GCC1: variants seen among roughly 807,000 people sequenced by gnomAD.
GCC1 encodes the protein GRIP and coiled-coil domain containing 1, also known as GRIP and coiled-coil domain-containing protein 1.
In GCC1, 36 loss-of-function variants were observed where a neutral mutation model predicts 62.5. The ratio of observed to expected loss-of-function variants is 0.58; its 90% confidence interval spans 0.44 to 0.76. The LOEUF (loss-of-function observed/expected upper bound fraction) is 0.76. Ranked by LOEUF, GCC1 falls within the 30% of genes least tolerant of loss-of-function variation. GCC1 has a pLI of 0.00. For missense variants in GCC1, 885 were observed against 948.3 expected (o/e 0.93, Z 0.88); for synonymous variants, 391 against 386.8 (o/e 1.01, Z -0.13).
Position 127,584,741 on chromosome 7 carries a change from GC to G in GCC1, c.441del (p.Pro148HisfsTer14), listed in dbSNP as rs759381858. The G allele has an allele frequency of 3.7e-6, 6 of 1,614,098 alleles. No homozygotes were observed. Among genetic ancestry groups the G allele is most frequent in the Middle Eastern group, 1.6e-4 (1 of 6,062 alleles). Reference protein sequence around the residue: ...ESGVSSSSGDGPFAGGEVDKR... With the variant: ...ESGVSSSSGDXPFAGGEVDKR... ...TTGTCCACCTCCCCACCTGCAAATG[GC>G]CCATCCCCACTGCTACTGCTAACGC... On this transcript the variant is annotated frameshift_variant, in exon 1 of 2. Transcript: ENST00000321407.
At position 127,581,587 on chromosome 7, in the gene GCC1, A is replaced by ACT. The variant is rs1794134515; in HGVS notation, c.*425_*426dup. On this transcript the variant is annotated 3_prime_UTR_variant, in exon 2 of 2. Coordinates refer to ENST00000321407, the MANE Select transcript of GCC1 (RefSeq NM_024523.6). ...GAGAATTGGGGTAGCAATGGACCAG[A>ACT]CTCAGACTGTGATGAGAGGGAGAAA... 6.1e-6 allele frequency: 1 copy of ACT among 163,648 alleles called. No homozygotes were observed. The highest frequency in any genetic ancestry group is 2.4e-5 in the African/African-American group (1 of 41,558). 10.1% of individuals were successfully genotyped at this position (163,648 alleles called of 1,614,324 possible). A position where few individuals can be genotyped will look rare whatever the true frequency, so the allele number is the denominator to read the frequency against.
rs1238209340 is a variant in GCC1, at chr7:127,584,225, G to C, written c.958C>G (p.Leu320Val). The change falls in exon 1 of 2, where the codon CTG becomes GTG. Residue 320 changes from leucine to valine, a missense_variant. Physicochemically the swap from Leu to Val is conservative, Grantham distance 32. Transcript: ENST00000321407. ...RDEKNQPDPR[L>V]QELQEEAARL... ...GCAGCCTCTTCCTGAAGTTCTTGCA[G>C]CCGGGGATCTGGCTGATTCTTCTCA... The C allele has an allele frequency of 1.2e-6, 2 of 1,613,812 alleles. No individual in the cohort carries two copies. Among genetic ancestry groups the C allele is most frequent in the East Asian group, 4.5e-5 (2 of 44,880 alleles).
In GCC1 at chr7:127,582,730, AG is replaced by A. The variant is rs1215449041; in HGVS notation, c.1611del (p.Cys538AlafsTer42). The A allele has an allele frequency of 6.2e-7, 1 of 1,614,154 alleles. No individual in the cohort carries two copies. The highest frequency in any genetic ancestry group is 8.5e-7 in the Non-Finnish European group (1 of 1,180,024). ...TGGTGTTGGTGCTCCAGCTCCTCGC[AG>A]GAGAGCCGCAGGGAAATATACTTCT... ...LKEKYISLRL[S>X]CEELEHQHQQ... is the part of the protein sequence containing the mutation. On this transcript the variant is annotated frameshift_variant, in exon 2 of 2. Coordinates refer to ENST00000321407, the MANE Select transcript of GCC1 (RefSeq NM_024523.6). LOFTEE classifies it high-confidence loss of function. This position sits in a 1 kb window ranked among gnomAD's most constrained non-coding sequence, Gnocchi z 4.8.
chr7:127,584,599 T>C lies in GCC1; in HGVS notation c.584A>G (p.Gln195Arg), dbSNP rs761327169. The C allele has an allele frequency of 8.1e-6, 13 of 1,614,170 alleles. No homozygotes were observed. The Admixed American group carries it at 2.2e-4, about 27-fold the overall frequency. ...SYLADKKKMK[Q>R]DLEDASNKAE... ...CTTGTTACTGGCATCCTCTAAGTCC[T>C]GTTTCATCTTTTTCTTGTCAGCCAA... is the stretch of plus-strand genomic sequence containing the variant. Residue 195 changes from glutamine to arginine, a missense_variant, in exon 1 of 2, where the codon CAG becomes CGG. Transcript: ENST00000321407.
chr7:127,585,311 T>C lies in GCC1; in HGVS notation c.-129A>G. On this transcript the variant is annotated 5_prime_UTR_variant, in exon 1 of 2. Transcript: ENST00000321407. ...CGGCGGGCCGCACACCTACTCCACC[T>C]AGTTATCCCGGACCTAATGCGGAAC... is the stretch of plus-strand genomic sequence containing the variant. The C allele has an allele frequency of 1.2e-6, 1 of 855,692 alleles. No individual in the cohort carries two copies. The highest frequency in any genetic ancestry group is 1.7e-5 in the African/African-American group (1 of 58,796). 53.0% of individuals were successfully genotyped at this position (855,692 alleles called of 1,614,324 possible).
chr7:127,582,473 A>C lies in GCC1; in HGVS notation c.1869T>G (p.Gly623=). ...SGLPGRRSPV[G]GGGPGDPADT... ...CAGCTGGGTCCCCAGGACCGCCACC[A>C]CCCACAGGACTTCTGCGTCCTGGCA... is the stretch of plus-strand genomic sequence containing the variant. Residue 623 remains glycine (G), a synonymous_variant, in exon 2 of 2, where the codon GGT becomes GGG. Coordinates refer to ENST00000321407, the MANE Select transcript of GCC1 (RefSeq NM_024523.6). This position sits in a 1 kb window ranked among gnomAD's most constrained non-coding sequence, Gnocchi z 4.8. The C allele has an allele frequency of 6.2e-7, 1 of 1,613,574 alleles. No individual in the cohort carries two copies. The highest frequency in any genetic ancestry group is 1.1e-5 in the South Asian group (1 of 91,062).
rs1794182338 is a variant in GCC1 at position 127,584,949 on chromosome 7, G to A, written c.234C>T (p.Thr78=). 1 of 1,614,202 alleles carries A rather than the reference G, an allele frequency of 6.2e-7. No homozygotes were observed. The highest frequency in any genetic ancestry group is 8.5e-7 in the Non-Finnish European group (1 of 1,180,044). ...GLAGVQLPGL[T]FPDSVDDRCS... is the part of the protein sequence containing the mutation. ...ACCGGTCATCCACAGAGTCAGGAAA[G>A]GTGAGGCCTGGAAGCTGGACACCTG... The change falls in exon 1 of 2, where the codon ACC becomes ACT. Residue 78 remains threonine, a synonymous_variant. Coordinates refer to ENST00000321407, the MANE Select transcript of GCC1 (RefSeq NM_024523.6).
chr7:127,582,707 G>T lies in GCC1; in HGVS notation c.1635C>A (p.His545Gln). Residue 545 changes from histidine (H) to glutamine (Q), a missense_variant, in exon 2 of 2, where the codon CAC becomes CAA. Coordinates refer to ENST00000321407, the MANE Select transcript of GCC1 (RefSeq NM_024523.6). This position sits in a 1 kb window ranked among gnomAD's most constrained non-coding sequence, Gnocchi z 4.8. ...GCTTCCAGTCATCAGCCTCCTGCTG[G>T]TGTTGGTGCTCCAGCTCCTCGCAGG... ...RLSCEELEHQ[H>Q]QQEADDWKQE... The T allele has an allele frequency of 1.9e-6, 3 of 1,614,058 alleles. No individual in the cohort carries two copies. The highest frequency in any genetic ancestry group is 2.5e-6 in the Non-Finnish European group (3 of 1,180,024).
In GCC1 at chr7:127,585,244, A is replaced by G; in HGVS notation, c.-62T>C. On this transcript the variant is annotated 5_prime_UTR_variant, in exon 1 of 2. Coordinates refer to ENST00000321407, the MANE Select transcript of GCC1 (RefSeq NM_024523.6). The stretch of plus-strand genomic sequence containing the variant: ...AGCAGAACGGGAGAGGGCCGTGAAG[A>G]CGCAGGCGGGGGCTTAAAGAAACAG... 1 of 1,466,542 alleles carries G rather than the reference A, an allele frequency of 6.8e-7. No individual in the cohort carries two copies. Among genetic ancestry groups the G allele is most frequent in the Non-Finnish European group, 9.1e-7 (1 of 1,094,484 alleles). 90.8% of individuals were successfully genotyped at this position (1,466,542 alleles called of 1,614,324 possible).
chr7:127,582,721 G>T lies in GCC1; in HGVS notation c.1621C>A (p.Leu541Met). The change falls in exon 2 of 2, where the codon CTG becomes ATG. Residue 541 changes from leucine to methionine, a missense_variant. Transcript: ENST00000321407. The surrounding 1 kb of genome is among the most constrained non-coding windows in gnomAD (Gnocchi z 4.8). ...YISLRLSCEE[L>M]EHQHQQEADD... The stretch of plus-strand genomic sequence containing the variant: ...GCCTCCTGCTGGTGTTGGTGCTCCA[G>T]CTCCTCGCAGGAGAGCCGCAGGGAA... 1 of 1,614,130 alleles carries T rather than the reference G, an allele frequency of 6.2e-7. No individual in the cohort carries two copies. Among genetic ancestry groups the T allele is most frequent in the Non-Finnish European group, 8.5e-7 (1 of 1,180,034 alleles).
Position 127,584,405 on chromosome 7 carries a change from G to A in GCC1, c.778C>T (p.Gln260Ter), listed in dbSNP as rs1487484002. ...AACCTAAGCTCCAAGTCCTGGCGCT[G>A]GGTCCTCTCCTCCTGCAGCAGCTTC... is the stretch of plus-strand genomic sequence containing the variant. ...LQKLLQEERT[Q>*]RQDLELRLEE... The change falls in exon 1 of 2, where the codon CAG (glutamine) becomes TAG (stop). Residue 260 changes from glutamine (Q) to a stop codon, truncating the protein, a stop_gained. Transcript: ENST00000321407. LOFTEE classifies it high-confidence loss of function. The A allele has an allele frequency of 6.2e-7, 1 of 1,613,852 alleles. No individual in the cohort carries two copies. The highest frequency in any genetic ancestry group is 8.5e-7 in the Non-Finnish European group (1 of 1,180,020).
At position 127,582,581 on chromosome 7, in the gene GCC1, C is replaced by T. The variant is rs1484666602; in HGVS notation, c.1761G>A (p.Lys587=). The T allele has an allele frequency of 3.1e-6, 5 of 1,612,140 alleles. No individual in the cohort carries two copies. Among genetic ancestry groups the T allele is most frequent in the Non-Finnish European group, 4.2e-6 (5 of 1,179,986 alleles). ...RTLKLEEELH[K]QRDRALAVLT... ...GCACAGCTAGGGCACGATCCCGCTG[C>T]TTGTGCAGCTCCTCCTCCAGTTTCA... The change falls in exon 2 of 2, where the codon AAG becomes AAA. Residue 587 remains lysine (K), a synonymous_variant. Transcript: ENST00000321407. This position sits in a 1 kb window ranked among gnomAD's most constrained non-coding sequence, Gnocchi z 4.8.
rs373166796 is a variant in GCC1, at chr7:127,581,801, T to C, written c.*213A>G. 4 of 576,360 alleles carry C rather than the reference T, an allele frequency of 6.9e-6. 1 individual carries two copies. Among genetic ancestry groups the C allele is most frequent in the South Asian group, 4.3e-5 (2 of 46,526 alleles). The allele number at this position is 576,360 out of a possible 1,614,324, so 35.7% of individuals were successfully genotyped here. A position where few individuals can be genotyped will look rare whatever the true frequency, so the allele number is the denominator to read the frequency against. ...TCCTCACATGCACACCATCAGAAGA[T>C]ACTGCCCCAGGACTTTCAGTATCTC... On this transcript the variant is annotated 3_prime_UTR_variant, in exon 2 of 2. Coordinates refer to ENST00000321407, the MANE Select transcript of GCC1 (RefSeq NM_024523.6).
rs530660257 is a variant in GCC1, at chr7:127,581,180, C to T, written c.*834G>A. 1 of 152,256 alleles carries T rather than the reference C, an allele frequency of 6.6e-6. No individual in the cohort carries two copies. The highest frequency in any genetic ancestry group is 6.5e-5 in the Admixed American group (1 of 15,292). The allele number at this position is 152,256 out of a possible 1,614,324, so 9.4% of individuals were successfully genotyped here. The stretch of plus-strand genomic sequence containing the variant: ...AGGATGAGCATTCACCATTTGGACC[C>T]CTCTCTGTAAGAAGCTAGGACTTTA... On this transcript the variant is annotated 3_prime_UTR_variant, in exon 2 of 2. Transcript: ENST00000321407.
At chr7:127,583,702 C>A (rs1318104210) in intron 1 of GCC1, among the ~76,000 whole-genome samples, 1 of 152,122 alleles carries the variant, frequency 6.6e-6, no homozygotes, top group Admixed American at 6.5e-5. Context: ...AAGGAGGCAC[C>A]CTTTCAATAC....
Position 127,585,383 on chromosome 7 carries a change from G to T in GCC1, c.-201C>A, listed in dbSNP as rs1006483473. On this transcript the variant is annotated 5_prime_UTR_variant, in exon 1 of 2. Transcript: ENST00000321407. ...CGGCCGCCCGGTCCCAGGCCCGGAG[G>T]GCTGGGGCGGATTCTACCCCGGAGG... is the stretch of plus-strand genomic sequence containing the variant. 5.1e-6 allele frequency: 3 copies of T among 583,784 alleles called. No homozygotes were observed. The highest frequency in any genetic ancestry group is 9.0e-6 in the Non-Finnish European group (3 of 335,156). The allele number at this position is 583,784 out of a possible 1,614,324, so 36.2% of individuals were successfully genotyped here.
chr7:127,581,258 C>T lies in GCC1; in HGVS notation c.*756G>A, dbSNP rs1287281091. 1 of 152,222 alleles carries T rather than the reference C, an allele frequency of 6.6e-6. No homozygotes were observed. Among genetic ancestry groups the T allele is most frequent in the Admixed American group, 6.5e-5 (1 of 15,282 alleles). 9.4% of individuals were successfully genotyped at this position (152,222 alleles called of 1,614,324 possible). A position where few individuals can be genotyped will look rare whatever the true frequency, so the allele number is the denominator to read the frequency against. ...AAAAGATAGCAAAGTCGTTGACTCA[C>T]AATCTCAGGCCAACCTCAGGCAGAT... On this transcript the variant is annotated 3_prime_UTR_variant, in exon 2 of 2. Transcript: ENST00000321407.
In GCC1 at chr7:127,584,325, T is replaced by C. The variant is rs1234668563; in HGVS notation, c.858A>G (p.Glu286=). 2 of 1,613,782 alleles carry C rather than the reference T, an allele frequency of 1.2e-6. No individual in the cohort carries two copies. Among genetic ancestry groups the C allele is most frequent in the South Asian group, 2.2e-5 (2 of 91,058 alleles). ...GCTGCTTGGTCTGCAGTTCAAATCC[T>C]TCCATCTGTTCAGCTGCATATGCTC... is the stretch of plus-strand genomic sequence containing the variant. ...AGRAYAAEQM[E]GFELQTKQLT... The change falls in exon 1 of 2, where the codon GAA becomes GAG. Residue 286 remains glutamate, a synonymous_variant. Coordinates refer to ENST00000321407, the MANE Select transcript of GCC1 (RefSeq NM_024523.6).
chr7:127,584,081 G>A, intron 1 of GCC1, 70 bp downstream of exon 1: 1 of 1,381,304 alleles, frequency 7.2e-7, no homozygotes, highest in Non-Finnish European at 1.0e-6. Flanking sequence ...ACTAGCAAAG[G>A]AGGAAAAAAA....
Sources: gnomAD v4.1 joint callset for allele counts (sites outside exome capture counted in the v4.1 genomes callset) on GRCh38, gnomAD v4.1.1 for gene constraint, Gnocchi (gnomAD v3.1) non-coding constraint, MANE v1.5 for transcripts, NCBI Gene and HGNC (gene_info 2026-07-23, HGNC 2026-07-21) for gene names.